The following RANBP9 variants were observed in gnomAD, a reference collection of about 807,000 sequenced individuals.
The protein encoded by RANBP9 is RAN binding protein 9.
RANBP9 carries 15 observed loss-of-function variants against 84.3 expected under a neutral mutation model. The observed-to-expected ratio is 0.18, with a 90% CI of 0.12 to 0.27. RANBP9 has a LOEUF of 0.27. Ranked by LOEUF, RANBP9 falls within the 10% of genes least tolerant of loss-of-function variation. The probability of loss-of-function intolerance (pLI) is 1.00; values close to 1 mark genes in which losing one functional copy is unlikely to be tolerated. For missense variants in RANBP9, 809 were observed against 912.8 expected, an observed-to-expected ratio of 0.89 and a Z score of 1.46; for synonymous variants, 392 against 349.6, an observed-to-expected ratio of 1.12 and a Z score of -1.35.
intron 13 of RANBP9, among the ~76,000 whole-genome samples, chr6:13,625,183 C>G (rs534591590): frequency 7.2e-5 from 11 of 152,276 alleles, no homozygotes; most frequent in Non-Finnish European, 1.5e-4. Context: ...AATTATTAAT[C>G]TATGTTCTTA....
intron 2 of RANBP9, among the ~76,000 whole-genome samples, chr6:13,661,308 C>A (rs1316423386): frequency 6.6e-6 from 1 of 152,082 alleles, no homozygotes; most frequent in Non-Finnish European, 1.5e-5. Context: ...CTAATACAAA[C>A]CTAGTTTTGG....
Position 13,686,449 on chromosome 6 carries a change from A to AT in RANBP9, c.683+10335dup, listed in dbSNP as rs201248659. 1.7e-3 allele frequency among the ~76,000 whole-genome samples: 260 copies of AT among 150,896 alleles called. 3 individuals are homozygous for AT. The East Asian group carries it at 0.035, about 20-fold the overall frequency. ...CAGGAATGCGCCACCACGCCCAGCT[A>AT]TTTTTTTGTATTTTGGGTAGAGACA... On this transcript the variant is annotated intron_variant, in intron 2 of 13. Coordinates refer to ENST00000011619, the MANE Select transcript of RANBP9 (RefSeq NM_005493.3).
intron 2 of RANBP9, among the ~76,000 whole-genome samples, chr6:13,659,523 C>T (rs542983331): frequency 6.6e-6 from 1 of 152,190 alleles, no homozygotes; most frequent in Admixed American, 6.5e-5. Context: ...TTTTCAAGTG[C>T]TTATAAAACA....
intron 12 of RANBP9, among the ~76,000 whole-genome samples, chr6:13,631,645 C>A (rs1271837264): frequency 1.3e-5 from 2 of 152,186 alleles, no homozygotes; most frequent in Non-Finnish European, 2.9e-5. Context: ...TTCATCTCCC[C>A]TTTAATTTCA....
At chr6:13,650,133 C>A (rs143648668) in intron 5 of RANBP9, among the ~76,000 whole-genome samples, 1 of 150,432 alleles carries the variant, frequency 6.6e-6, no homozygotes, top group Non-Finnish European at 1.5e-5. Context: ...CTAAATAATG[C>A]GGCAGGGTTT....
intron 2 of RANBP9, among the ~76,000 whole-genome samples, chr6:13,669,463 C>T (rs1256682315): frequency 6.6e-6 from 1 of 152,090 alleles, no homozygotes; most frequent in Non-Finnish European, 1.5e-5. Flanking sequence ...TCACACATTC[C>T]AATTTTAAAA....
intron 13 of RANBP9, among the ~76,000 whole-genome samples, chr6:13,623,073 G>C (rs1209007039): frequency 6.6e-6 from 1 of 152,158 alleles, no homozygotes; most frequent in East Asian, 1.9e-4. Flanking sequence ...ACAGTGGACA[G>C]TTCAGACATT....
intron 2 of RANBP9, among the ~76,000 whole-genome samples, chr6:13,694,840 A>G (rs1472619490): frequency 6.6e-6 from 1 of 152,122 alleles, no homozygotes; most frequent in African/African-American, 2.4e-5. Flanking sequence ...AGACTGAAAA[A>G]AAACATAGTA....
intron 2 of RANBP9, among the ~76,000 whole-genome samples, chr6:13,675,744 A>C (rs953562316): frequency 2.6e-5 from 4 of 151,792 alleles, no homozygotes; most frequent in African/African-American, 4.8e-5. Flanking sequence ...ACAAAAAAAA[A>C]ACACAAATTA....
rs1401246586 is a variant in RANBP9 at position 13,711,790 on chromosome 6, G to A, written c.-285C>T. Among the ~76,000 whole-genome samples, 1 of 146,622 alleles carries A rather than the reference G, an allele frequency of 6.8e-6. No individual in the cohort carries two copies. Among genetic ancestry groups the A allele is most frequent in the African/African-American group, 2.5e-5 (1 of 40,778 alleles). On this transcript the variant is annotated 5_prime_UTR_variant, in exon 1 of 14. Coordinates refer to ENST00000011619, the MANE Select transcript of RANBP9 (RefSeq NM_005493.3). ...GGGGCGACGCGGGAGCGCGGGAGGG[G>A]AAGGCGCGCTGGCGGCCGCCGCGGC...
chr6:13,631,765 C>T (rs1373793245), intron 12 of RANBP9, among the ~76,000 whole-genome samples: 1 of 152,216 alleles, frequency 6.6e-6, no homozygotes, highest in African/African-American at 2.4e-5. Flanking sequence ...AGCCCCTCCA[C>T]CTTCAACTGG....
At chr6:13,631,190 C>T (rs1764771423) in intron 12 of RANBP9, among the ~76,000 whole-genome samples, 12 of 152,070 alleles carry the variant, frequency 7.9e-5, no homozygotes, top group Admixed American at 6.5e-4. Flanking sequence ...TTTTTGATAG[C>T]TCAGGGTAAC....
chr6:13,703,878 A>C (rs1433175726), intron 1 of RANBP9, among the ~76,000 whole-genome samples: 1 of 152,200 alleles, frequency 6.6e-6, no homozygotes, highest in African/African-American at 2.4e-5. Flanking sequence ...AAGTCAGATC[A>C]CAGGGCTGAG....
intron 1 of RANBP9, among the ~76,000 whole-genome samples, chr6:13,704,023 A>G (rs1758037287): frequency 1.3e-5 from 2 of 152,112 alleles, no homozygotes; most frequent in Non-Finnish European, 2.9e-5. Flanking sequence ...AAACCCAAAC[A>G]TTTTCTTTGA....
At chr6:13,624,848 T>C (rs1764556180) in intron 13 of RANBP9, among the ~76,000 whole-genome samples, 1 of 152,202 alleles carries the variant, frequency 6.6e-6, no homozygotes, top group Admixed American at 6.5e-5. Context: ...GCAAATAGAA[T>C]GTGACATCAA....
intron 2 of RANBP9, among the ~76,000 whole-genome samples, chr6:13,666,028 C>T (rs1392740415): frequency 6.6e-6 from 1 of 152,104 alleles, no homozygotes; most frequent in African/African-American, 2.4e-5. Flanking sequence ...ATGTTCTATA[C>T]TTTGATAGAG....
chr6:13,642,645 A>C lies in RANBP9; in HGVS notation c.1113-54T>G. On this transcript the variant is annotated intron_variant, in intron 6 of 13. Coordinates refer to ENST00000011619, the MANE Select transcript of RANBP9 (RefSeq NM_005493.3). Reference sequence around the variant, plus strand: ...TTTTAGTGAAGAGAATACATGCTTCATACTACAATTTATATAAACAAAATC... The same window carrying C: ...TTTTAGTGAAGAGAATACATGCTTCCTACTACAATTTATATAAACAAAATC... The C allele has an allele frequency of 3.3e-6, 4 of 1,217,928 alleles. No homozygotes were observed. The South Asian group carries it at 5.3e-5, about 16-fold the overall frequency. The allele number at this position is 1,217,928 out of a possible 1,614,324, so 75.4% of individuals were successfully genotyped here.
At chr6:13,697,329 T>C (rs1279583732) in intron 1 of RANBP9, among the ~76,000 whole-genome samples, 1 of 152,226 alleles carries the variant, frequency 6.6e-6, no homozygotes, top group African/African-American at 2.4e-5. Context: ...ACCAGAAGCA[T>C]CTGTATTGTA....
chr6:13,669,071 G>C (rs1392758547), intron 2 of RANBP9, among the ~76,000 whole-genome samples: 1 of 151,784 alleles, frequency 6.6e-6, no homozygotes, highest in African/African-American at 2.4e-5. Context: ...AAAATCAGTT[G>C]TATTTCTACA....
Sources: allele counts gnomAD v4.1 joint callset (sites outside exome capture counted in the v4.1 genomes callset), GRCh38; gene constraint gnomAD v4.1.1; transcripts MANE v1.5; gene names NCBI Gene and HGNC (gene_info 2026-07-23, HGNC 2026-07-21).